The following PLCH1 variants were observed in gnomAD, a reference collection of about 807,000 sequenced individuals.
The protein encoded by PLCH1 is phospholipase C eta 1, also known as 1-phosphatidylinositol 4,5-bisphosphate phosphodiesterase eta-1.
In PLCH1, 60 loss-of-function variants were observed where a neutral mutation model predicts 126.7. The observed-to-expected ratio is 0.47, with a 90% CI of 0.38 to 0.59. The LOEUF (loss-of-function observed/expected upper bound fraction) is 0.59. Ranked by LOEUF, PLCH1 falls within the 20% of genes least tolerant of loss-of-function variation. The pLI is 0.00. For missense variants in PLCH1, 1,723 were observed against 2,040.0 expected (o/e 0.84, Z 2.99); for synonymous variants, 719 against 734.9 (o/e 0.98, Z 0.35).
Position 155,737,231 on chromosome 3 carries a change from C to CAAAAAAAAAAAAAAAAAAAA in PLCH1, c.-41+7608_-41+7609insTTTTTTTTTTTTTTTTTTTT, listed in dbSNP as rs557369057. Among the ~76,000 whole-genome samples, 149 of 59,514 alleles carry CAAAAAAAAAAAAAAAAAAAA rather than the reference C, an allele frequency of 2.5e-3. 16 individuals are homozygous for CAAAAAAAAAAAAAAAAAAAA. Among genetic ancestry groups the CAAAAAAAAAAAAAAAAAAAA allele is most frequent in the African/African-American group, 4.6e-3 (81 of 17,430 alleles). The allele number at this position is 59,514 out of a possible 152,430, so 39.0% of individuals were successfully genotyped here. A position where few individuals can be genotyped will look rare whatever the true frequency, so the allele number is the denominator to read the frequency against. ...TGGGTGACAGAGCAAGCCTCCGTCTCAAAAAAAAAAAAAAAAAAGAGTATA... is the reference window on the plus strand; with the variant it reads ...TGGGTGACAGAGCAAGCCTCCGTCTCAAAAAAAAAAAAAAAAAAAAAAAAAAAAAAAAAAAAAAGAGTATA... On this transcript the variant is annotated intron_variant, in intron 1 of 22. Coordinates refer to ENST00000460012, the MANE Select transcript of PLCH1 (RefSeq NM_014996.4).
At chr3:155,545,704 T>A (rs1179871086) in intron 10 of PLCH1, among the ~76,000 whole-genome samples, 1 of 151,166 alleles carries the variant, frequency 6.6e-6, no homozygotes, top group African/African-American at 2.4e-5. Context: ...TCAAGTGGGC[T>A]TCATCCCTGG....
intron 6 of PLCH1, among the ~76,000 whole-genome samples, chr3:155,578,811 G>GT (rs1001024531): frequency 3.9e-5 from 6 of 152,102 alleles, no homozygotes; most frequent in Non-Finnish European, 8.8e-5. Flanking sequence ...AAAAGGAAAG[G>GT]TATCTCCGGC....
At chr3:155,454,498 T>TAAGAAAAA (rs1242106037) in intron 21 of PLCH1, among the ~76,000 whole-genome samples, 1 of 151,188 alleles carries the variant, frequency 6.6e-6, no homozygotes, top group Admixed American at 6.6e-5. Context: ...AATAAATAAA[T>TAAGAAAAA]AAGAAAAAAA....
At chr3:155,581,369 G>A (rs966207510) in intron 6 of PLCH1, among the ~76,000 whole-genome samples, 5 of 152,124 alleles carry the variant, frequency 3.3e-5, no homozygotes, top group African/African-American at 4.8e-5. Context: ...AGCGTTATTC[G>A]TAACAGCCCC....
chr3:155,630,828 A>T (rs1394633515), intron 2 of PLCH1, among the ~76,000 whole-genome samples: 1 of 152,194 alleles, frequency 6.6e-6, no homozygotes, highest in East Asian at 1.9e-4. Flanking sequence ...TTTACAAATA[A>T]ATACAGTTTT....
At chr3:155,677,335 A>G (rs893093864) in intron 2 of PLCH1, among the ~76,000 whole-genome samples, 5 of 152,182 alleles carry the variant, frequency 3.3e-5, no homozygotes, top group African/African-American at 1.2e-4. Context: ...CTGTGTCCCA[A>G]TTTGCACATC....
intron 21 of PLCH1, among the ~76,000 whole-genome samples, chr3:155,455,012 C>G (rs537892927): frequency 6.6e-6 from 1 of 152,264 alleles, no homozygotes; most frequent in Admixed American, 6.5e-5. Context: ...TCTATAGTAC[C>G]ACCTTGAATT....
At chr3:155,506,693 T>C (rs1448285258) in intron 12 of PLCH1, among the ~76,000 whole-genome samples, 1 of 148,560 alleles carries the variant, frequency 6.7e-6, no homozygotes, top group African/African-American at 2.5e-5. Flanking sequence ...CGTCATTTTT[T>C]ATGGCTGCAT....
intron 2 of PLCH1, among the ~76,000 whole-genome samples, chr3:155,692,267 A>C (rs749616589): frequency 6.6e-6 from 1 of 152,188 alleles, no homozygotes; most frequent in African/African-American, 2.4e-5. Flanking sequence ...CAAGATTTTC[A>C]TGTACCACTT....
At chr3:155,663,349 T>G (rs779687121) in intron 2 of PLCH1, among the ~76,000 whole-genome samples, 66 of 152,230 alleles carry the variant, frequency 4.3e-4, no homozygotes, top group Non-Finnish European at 8.7e-4. Flanking sequence ...ACAACTGCCT[T>G]TGGTTAGATT....
intron 2 of PLCH1, chr3:155,676,173 C>T (rs1577303047): frequency 7.5e-7 from 1 of 1,338,812 alleles, no homozygotes; most frequent in Non-Finnish European, 9.6e-7. Flanking sequence ...GCCCCCAGAA[C>T]TTGGCTCATG....
chr3:155,534,961 C>A (rs1391054900), intron 10 of PLCH1, among the ~76,000 whole-genome samples: 1 of 152,190 alleles, frequency 6.6e-6, no homozygotes, highest in African/African-American at 2.4e-5. Context: ...GTCAATTAAA[C>A]CTCTTTTTAT....
At chr3:155,665,056 T>C (rs1358956271) in intron 2 of PLCH1, among the ~76,000 whole-genome samples, 2 of 141,350 alleles carry the variant, frequency 1.4e-5, no homozygotes, top group Non-Finnish European at 3.2e-5. Context: ...GCATTGCCCT[T>C]TAAAACTTCC....
chr3:155,649,681 A>G (rs16825208), intron 2 of PLCH1, among the ~76,000 whole-genome samples: 18,387 of 152,174 alleles, frequency 0.12, 1,214 homozygotes, highest in East Asian at 0.2. Context: ...AAAGCCCAGT[A>G]AGAAGTAGAA....
At chr3:155,654,379 T>G (rs1741122443) in intron 2 of PLCH1, among the ~76,000 whole-genome samples, 1 of 152,104 alleles carries the variant, frequency 6.6e-6, no homozygotes, top group African/African-American at 2.4e-5. Flanking sequence ...CCCTAATGTA[T>G]ATCTACAAAG....
At chr3:155,469,067 G>T (rs1336862982) in intron 21 of PLCH1, among the ~76,000 whole-genome samples, 2 of 152,136 alleles carry the variant, frequency 1.3e-5, no homozygotes, top group Non-Finnish European at 2.9e-5. Context: ...ATAATAGGGG[G>T]AGGAGCCAAG....
chr3:155,516,280 T>G (rs1248738725), intron 11 of PLCH1, among the ~76,000 whole-genome samples: 2 of 152,180 alleles, frequency 1.3e-5, no homozygotes, highest in Non-Finnish European at 2.9e-5. Flanking sequence ...GAGTTTCTGA[T>G]AAGGAACACG....
chr3:155,464,979 T>C (rs1191550952), intron 21 of PLCH1, among the ~76,000 whole-genome samples: 1 of 151,882 alleles, frequency 6.6e-6, no homozygotes, highest in Non-Finnish European at 1.5e-5. Context: ...CGTGGCAGCG[T>C]GTGCCTGTAG....
At chr3:155,456,127 C>A (rs899900359) in intron 21 of PLCH1, among the ~76,000 whole-genome samples, 1 of 152,170 alleles carries the variant, frequency 6.6e-6, no homozygotes, top group Non-Finnish European at 1.5e-5. Context: ...ACTTTTCAAA[C>A]TATGTGCTGA....
Sources: allele counts gnomAD v4.1 joint callset (sites outside exome capture counted in the v4.1 genomes callset), GRCh38; gene constraint gnomAD v4.1.1; transcripts MANE v1.5; gene names NCBI Gene and HGNC (gene_info 2026-07-23, HGNC 2026-07-21).